ZNF138: variants seen among roughly 807,000 people sequenced by gnomAD.
ZNF138 encodes the protein zinc finger protein 138.
ZNF138 carries 33 observed loss-of-function variants against 33.0 expected under a neutral mutation model. The observed-to-expected ratio is 1.00, with a 90% CI of 0.76 to 1.34. The LOEUF is 1.34. ZNF138 is among the 40% of genes most tolerant of loss of function. The pLI, the probability that ZNF138 is intolerant of heterozygous loss-of-function variation, is 0.00. For synonymous variants in ZNF138, 139 were observed against 120.4 expected (o/e 1.15, Z -1.01); for missense variants, 360 against 370.8 (o/e 0.97, Z 0.24).
At chr7:64,811,785 C>G (rs1788199224) in intron 1 of ZNF138, among the ~76,000 whole-genome samples, 1 of 152,196 alleles carries the variant, frequency 6.6e-6, no homozygotes, top group Non-Finnish European at 1.5e-5. Flanking sequence ...TCTGCTTTCT[C>G]TAACTAATGC....
rs1790071523 is a variant in ZNF138 at position 64,831,450 on chromosome 7, G to T, written c.209-1G>T. 6.5e-7 allele frequency: 1 copy of T among 1,541,340 alleles called. No homozygotes were observed. Among genetic ancestry groups the T allele is most frequent in the Non-Finnish European group, 8.7e-7 (1 of 1,149,832 alleles). On this transcript the variant is annotated splice_acceptor_variant, in intron 3 of 3. Coordinates refer to ENST00000307355, the MANE Select transcript of ZNF138 (RefSeq NM_001271639.2). LOFTEE classifies it high-confidence loss of function. ...AATTTGTTATTTTTTGTTTCTTTCA[G>T]CTCTGTGTTCTCGTTTTGCCCAAGA... is the stretch of plus-strand genomic sequence containing the variant.
chr7:64,839,436 G>A, the ZNF138 span, among the ~76,000 whole-genome samples: 1 of 152,032 alleles, frequency 6.6e-6, no homozygotes, highest in Non-Finnish European at 1.5e-5. Flanking sequence ...GCCTCGGATC[G>A]GCTACTTCAG....
the ZNF138 span, among the ~76,000 whole-genome samples, chr7:64,843,475 TAGG>T: frequency 1.3e-5 from 2 of 152,334 alleles, no homozygotes; most frequent in African/African-American, 4.8e-5. Flanking sequence ...ATTTTTAAAA[TAGG>T]AGTAATTCTA....
chr7:64,802,199 G>C lies in ZNF138; in HGVS notation c.3+7628G>C, dbSNP rs189560466. ...TTTACACATTTTCCGGTTGACAGTT[G>C]GTTGAGTATATCTGAAGACCTCGGA... On this transcript the variant is annotated intron_variant, in intron 1 of 3. Coordinates refer to ENST00000307355, the MANE Select transcript of ZNF138 (RefSeq NM_001271639.2). Among the ~76,000 whole-genome samples the C allele has an allele frequency of 3.7e-4, 56 of 151,102 alleles. 1 individual carries two copies. In the East Asian group the frequency reaches 8.9e-3, roughly 24 times the overall value.
chr7:64,847,673 C>T, the ZNF138 span, among the ~76,000 whole-genome samples: 11 of 152,064 alleles, frequency 7.2e-5, no homozygotes, highest in Non-Finnish European at 1.3e-4. Context: ...AATAGCTACT[C>T]CTATTTGCTT....
chr7:64,821,468 C>G (rs143808151), intron 3 of ZNF138, among the ~76,000 whole-genome samples: 9 of 151,630 alleles, frequency 5.9e-5, no homozygotes, highest in African/African-American at 1.7e-4. Flanking sequence ...ATGCTTTTTC[C>G]ATTTGTGTAT....
At chr7:64,808,125 C>G (rs904284756) in intron 1 of ZNF138, among the ~76,000 whole-genome samples, 1 of 152,164 alleles carries the variant, frequency 6.6e-6, no homozygotes, top group African/African-American at 2.4e-5. Flanking sequence ...ATCTCTGAGA[C>G]ATTTGAGGAT....
At chr7:64,822,177 C>T (rs1475829157) in intron 3 of ZNF138, among the ~76,000 whole-genome samples, 1 of 151,472 alleles carries the variant, frequency 6.6e-6, no homozygotes, top group Non-Finnish European at 1.5e-5. Flanking sequence ...CCTTGGCCTC[C>T]CAAAGTGCTG....
chr7:64,845,444 A>G, the ZNF138 span, among the ~76,000 whole-genome samples: 3 of 152,228 alleles, frequency 2.0e-5, no homozygotes, highest in African/African-American at 4.8e-5. Context: ...GACACCCAAT[A>G]GTGGGATTGT....
At chr7:64,860,104 T>C in the ZNF138 span, among the ~76,000 whole-genome samples, 2 of 152,206 alleles carry the variant, frequency 1.3e-5, no homozygotes, top group East Asian at 3.9e-4. Flanking sequence ...TCCACTGCAC[T>C]TCAGCCTGGT....
chr7:64,847,323 T>C, the ZNF138 span, among the ~76,000 whole-genome samples: 1 of 111,934 alleles, frequency 8.9e-6, no homozygotes, highest in Admixed American at 9.0e-5. Flanking sequence ...TACATATATA[T>C]ATATATATAT....
At position 64,832,222 on chromosome 7, in the gene ZNF138, A is replaced by T; in HGVS notation, c.*20A>T. ...TCTTAACAACTTACTGAACATAAGAAAATTTACACTAGAGAGAAAGCCTAC... is the reference window on the plus strand; with the variant it reads ...TCTTAACAACTTACTGAACATAAGATAATTTACACTAGAGAGAAAGCCTAC... On this transcript the variant is annotated 3_prime_UTR_variant, in exon 4 of 4. Transcript: ENST00000307355. The T allele has an allele frequency of 1.2e-6, 2 of 1,602,842 alleles. No individual in the cohort carries two copies. Among genetic ancestry groups the T allele is most frequent in the Non-Finnish European group, 1.7e-6 (2 of 1,176,724 alleles).
At chr7:64,816,058 T>C (rs1460338602) in intron 3 of ZNF138, among the ~76,000 whole-genome samples, 1 of 152,196 alleles carries the variant, frequency 6.6e-6, no homozygotes, top group Non-Finnish European at 1.5e-5. Flanking sequence ...CATTGTGGTT[T>C]TTTTGTTCAT....
In ZNF138 at chr7:64,815,020, A is replaced by T. The variant is rs1406191625; in HGVS notation, c.106A>T (p.Asn36Tyr). Residue 36 changes from asparagine (N) to tyrosine (Y), a missense_variant, in exon 2 of 4, where the codon AAC (asparagine) becomes TAC (tyrosine). Asn to Tyr is a moderately radical substitution (Grantham distance 143). Transcript: ENST00000307355. ...TGTATATAGGCATGTGATGTTAGAG[A>T]ACTACAGAAACCTGGTTTTCTTGGG... Reference protein sequence around the residue: ...RNVYRHVMLENYRNLVFLDLI... With the variant: ...RNVYRHVMLEYYRNLVFLDLI... 3 of 1,610,346 alleles carry T rather than the reference A, an allele frequency of 1.9e-6. No homozygotes were observed.
At position 64,833,086 on chromosome 7, in the gene ZNF138, G is replaced by T; in HGVS notation, c.*884G>T. The stretch of plus-strand genomic sequence containing the variant: ...ATAATTTATACTGGAGCAAAACCTT[G>T]GAAATTCAAAGAATGTGGTAAAACT... On this transcript the variant is annotated 3_prime_UTR_variant, in exon 4 of 4. Transcript: ENST00000307355. 2 of 280,396 alleles carry T rather than the reference G, an allele frequency of 7.1e-6. No homozygotes were observed. Among genetic ancestry groups the T allele is most frequent in the South Asian group, 3.7e-5 (1 of 26,670 alleles). The allele number at this position is 280,396 out of a possible 1,614,324, so 17.4% of individuals were successfully genotyped here. A position where few individuals can be genotyped will look rare whatever the true frequency, so the allele number is the denominator to read the frequency against.
the ZNF138 span, among the ~76,000 whole-genome samples, chr7:64,848,766 A>G: frequency 7.6e-6 from 1 of 131,306 alleles, no homozygotes; most frequent in Non-Finnish European, 1.5e-5. Context: ...GTGCTGTGGC[A>G]TGATCTCTGC....
intron 1 of ZNF138, among the ~76,000 whole-genome samples, chr7:64,805,401 A>G (rs1021186997): frequency 6.2e-4 from 9 of 14,478 alleles, no homozygotes; most frequent in African/African-American, 7.4e-4. Context: ...TCTGTCTCAA[A>G]AAAACAAAAC....
Position 64,796,771 on chromosome 7 carries a change from G to A in ZNF138, c.3+2200G>A, listed in dbSNP as rs576162922. On this transcript the variant is annotated intron_variant, in intron 1 of 3. Coordinates refer to ENST00000307355, the MANE Select transcript of ZNF138 (RefSeq NM_001271639.2). Reference sequence around the variant, plus strand: ...AACGAATACATTTCCGGCGGGGTGCGGTGGCTCATGCCTGAAATCCCAGCA... The same window carrying A: ...AACGAATACATTTCCGGCGGGGTGCAGTGGCTCATGCCTGAAATCCCAGCA... Among the ~76,000 whole-genome samples, 37 of 152,294 alleles carry A rather than the reference G, an allele frequency of 2.4e-4. 1 individual carries two copies. The highest frequency in any genetic ancestry group is 8.4e-4 in the African/African-American group (35 of 41,562).
At chr7:64,846,999 AT>A in the ZNF138 span, among the ~76,000 whole-genome samples, 2 of 152,170 alleles carry the variant, frequency 1.3e-5, no homozygotes, top group African/African-American at 4.8e-5. Context: ...CAAATGCTTT[AT>A]CTGCATCTAT....
Sources: gnomAD v4.1 joint callset for allele counts (sites outside exome capture counted in the v4.1 genomes callset) on GRCh38, gnomAD v4.1.1 for gene constraint, MANE v1.5 for transcripts, NCBI Gene and HGNC (gene_info 2026-07-23, HGNC 2026-07-21) for gene names.